The following NDST3 variants were observed in gnomAD, a reference collection of about 807,000 sequenced individuals.
NDST3 encodes the protein bifunctional heparan sulfate N-deacetylase/N-sulfotransferase 3.
In NDST3, 58 loss-of-function variants were observed where a neutral mutation model predicts 96.1. The ratio of observed to expected loss-of-function variants is 0.60; its 90% CI spans 0.49 to 0.75. The LOEUF is 0.75. NDST3 is among the 30% of genes least tolerant of loss of function. The pLI is 0.00. For synonymous variants in NDST3, 333 were observed against 359.7 expected (o/e 0.93, Z 0.84); for missense variants, 788 against 1,034.2 (o/e 0.76, Z 3.27).
intron 10 of NDST3, 98 bp from the exon 11 acceptor site, chr4:118,240,426 A>G (rs1740932486): frequency 9.9e-7 from 1 of 1,007,676 alleles, no homozygotes; most frequent in Non-Finnish European, 1.4e-6. Flanking sequence ...GCAGTGAGGC[A>G]CTTCTTTCTT....
At chr4:118,240,232 C>A (rs933839048) in intron 10 of NDST3, among the ~76,000 whole-genome samples, 1 of 151,898 alleles carries the variant, frequency 6.6e-6, no homozygotes, top group African/African-American at 2.4e-5. Flanking sequence ...TTTACTTTCA[C>A]AATAAAATAC....
intron 6 of NDST3, among the ~76,000 whole-genome samples, chr4:118,196,184 G>C (rs1737671199): frequency 6.6e-6 from 1 of 152,188 alleles, no homozygotes; most frequent in African/African-American, 2.4e-5. Flanking sequence ...TTGCAAGCCA[G>C]AGATAAATCC....
At chr4:118,163,962 A>G (rs1226399805) in intron 6 of NDST3, among the ~76,000 whole-genome samples, 1 of 152,166 alleles carries the variant, frequency 6.6e-6, no homozygotes, top group Non-Finnish European at 1.5e-5. Flanking sequence ...ACCTAAAGAC[A>G]GAACTACCAT....
intron 2 of NDST3, among the ~76,000 whole-genome samples, chr4:118,063,500 A>T (rs1010802055): frequency 6.6e-6 from 1 of 152,164 alleles, no homozygotes; most frequent in Non-Finnish European, 1.5e-5. Flanking sequence ...TTACTGGATT[A>T]TGTCCTTCTC....
At chr4:118,196,323 A>T (rs1281371834) in intron 6 of NDST3, among the ~76,000 whole-genome samples, 3 of 152,032 alleles carry the variant, frequency 2.0e-5, no homozygotes, top group African/African-American at 7.2e-5. Context: ...TGATGTGTCT[A>T]TGTCTGGTTT....
At chr4:118,154,997 G>T (rs1337455582) in intron 6 of NDST3, among the ~76,000 whole-genome samples, 2 of 152,170 alleles carry the variant, frequency 1.3e-5, no homozygotes, top group African/African-American at 2.4e-5. Context: ...ATAAGCACTT[G>T]CAGTTAAGGA....
chr4:118,161,993 T>A (rs546612768), intron 6 of NDST3, among the ~76,000 whole-genome samples: 195 of 152,278 alleles, frequency 1.3e-3, no homozygotes, highest in African/African-American at 4.4e-3. Flanking sequence ...AGACCGGAGC[T>A]GTTCCTATTC....
rs1725232550 is a variant in NDST3 at position 118,053,740 on chromosome 4, C to A, written c.-155-16C>A. ...TGCTGCAAACTGACTGTTTTATATT[C>A]TTTTCTATTTTTCAGACTGTATTTT... On this transcript the variant is annotated splice_polypyrimidine_tract_variant and intron_variant, in intron 1 of 13. Coordinates refer to ENST00000296499, the MANE Select transcript of NDST3 (RefSeq NM_004784.3). 3.0e-6 allele frequency: 2 copies of A among 665,534 alleles called. No homozygotes were observed. Among genetic ancestry groups the A allele is most frequent in the East Asian group, 2.9e-5 (1 of 34,410 alleles). 41.2% of individuals were successfully genotyped at this position (665,534 alleles called of 1,614,324 possible). A position where few individuals can be genotyped will look rare whatever the true frequency, so the allele number is the denominator to read the frequency against.
intron 6 of NDST3, among the ~76,000 whole-genome samples, chr4:118,200,895 G>GT (rs1738034152): frequency 6.6e-6 from 1 of 152,094 alleles, no homozygotes; most frequent in Non-Finnish European, 1.5e-5. Context: ...CACCCTGGTA[G>GT]TAAGCATAAT....
At chr4:118,075,330 G>C (rs1383875733) in intron 2 of NDST3, among the ~76,000 whole-genome samples, 1 of 152,136 alleles carries the variant, frequency 6.6e-6, no homozygotes, top group Non-Finnish European at 1.5e-5. Flanking sequence ...CCATGTCTTT[G>C]CTATTGTGAA....
Position 118,252,798 on chromosome 4 carries a change from G to A in NDST3, c.2400-701G>A, listed in dbSNP as rs141947105. On this transcript the variant is annotated intron_variant, in intron 12 of 13. Transcript: ENST00000296499. ...TCTAGCTACTCGGGAAGCTGAGGGA[G>A]GAGAATCACTTGAACCCGAGAGGTG... Among the ~76,000 whole-genome samples, 708 of 152,260 alleles carry A rather than the reference G, an allele frequency of 4.6e-3. 12 individuals are homozygous for A. Among genetic ancestry groups the A allele is most frequent in the African/African-American group, 0.016 (682 of 41,554 alleles).
rs147686100 is a variant in NDST3 at position 118,189,354 on chromosome 4, A to G, written c.1540-35137A>G. 7.1e-4 allele frequency among the ~76,000 whole-genome samples: 108 copies of G among 152,268 alleles called. 1 individual carries two copies. The highest frequency in any genetic ancestry group is 1.3e-3 in the Non-Finnish European group (91 of 68,016). ...GCATGAGCCACAGCATCCAGCCAAT[A>G]ACTTGAAGAAAGTTAAACATTTCTT... On this transcript the variant is annotated intron_variant, in intron 6 of 13. Coordinates refer to ENST00000296499, the MANE Select transcript of NDST3 (RefSeq NM_004784.3).
intron 6 of NDST3, among the ~76,000 whole-genome samples, chr4:118,201,172 A>G (rs1224236083): frequency 6.6e-6 from 1 of 152,144 alleles, no homozygotes; most frequent in African/African-American, 2.4e-5. Flanking sequence ...CATTTTCTTT[A>G]TTCAATCCAC....
At chr4:118,190,281 T>C (rs189266805) in intron 6 of NDST3, among the ~76,000 whole-genome samples, 141 of 152,302 alleles carry the variant, frequency 9.3e-4, no homozygotes, top group Non-Finnish European at 1.8e-4. Flanking sequence ...TTCAAGTTAT[T>C]GTTTTTTAAC....
intron 6 of NDST3, among the ~76,000 whole-genome samples, chr4:118,182,605 T>C (rs1447802005): frequency 6.6e-6 from 1 of 152,050 alleles, no homozygotes; most frequent in Non-Finnish European, 1.5e-5. Context: ...AGAATTGAAA[T>C]GATCAAAGGA....
intron 8 of NDST3, among the ~76,000 whole-genome samples, chr4:118,231,616 C>T (rs181650350): frequency 1.3e-5 from 2 of 151,990 alleles, no homozygotes; most frequent in Admixed American, 1.3e-4. Flanking sequence ...TATTATAAGG[C>T]CATGTCTTGT....
intron 2 of NDST3, among the ~76,000 whole-genome samples, chr4:118,058,632 TGTGC>T (rs1259455567): frequency 2.4e-3 from 45 of 18,730 alleles, no homozygotes; most frequent in Non-Finnish European, 7.4e-3. Context: ...TGTGTGTGTG[TGTGC>T]GCGCGCGCGC....
At chr4:118,248,244 G>A (rs10031257) in intron 12 of NDST3, among the ~76,000 whole-genome samples, 64 of 152,084 alleles carry the variant, frequency 4.2e-4, no homozygotes, top group African/African-American at 1.4e-3. Context: ...CCAGCAACTC[G>A]GGAGGCTGAG....
chr4:118,072,270 T>C (rs1727142609), intron 2 of NDST3, among the ~76,000 whole-genome samples: 1 of 152,132 alleles, frequency 6.6e-6, no homozygotes, highest in African/African-American at 2.4e-5. Context: ...GTGAAGAATG[T>C]CATTGATAGT....
Sources: allele counts gnomAD v4.1 joint callset (sites outside exome capture counted in the v4.1 genomes callset), GRCh38; gene constraint gnomAD v4.1.1; transcripts MANE v1.5; gene names NCBI Gene and HGNC (gene_info 2026-07-23, HGNC 2026-07-21).